Variants in SLC4A10 observed in about 807,000 individuals in gnomAD.
SLC4A10 encodes sodium-driven chloride bicarbonate exchanger.
Under a neutral mutation model 137.7 loss-of-function variants are expected in SLC4A10, and 42 were observed. The observed-to-expected ratio is 0.30, with a 90% CI of 0.24 to 0.39. The LOEUF (loss-of-function observed/expected upper bound fraction) is 0.39, where lower values mean the gene tolerates loss of function less well. Ranked by LOEUF, SLC4A10 falls within the 10% of genes least tolerant of loss-of-function variation. The pLI is 1.00. For missense variants in SLC4A10, 925 were observed against 1,355.0 expected, an observed-to-expected ratio of 0.68 and a Z score of 4.98; for synonymous variants, 474 against 464.1, an observed-to-expected ratio of 1.02 and a Z score of -0.27.
chr2:161,774,310 A>G (rs958859035), intron 2 of SLC4A10, among the ~76,000 whole-genome samples: 1 of 151,910 alleles, frequency 6.6e-6, no homozygotes. Flanking sequence ...CAGATAAAAC[A>G]TAAGATGCCC....
At chr2:161,704,664 A>G (rs2043465966) in intron 1 of SLC4A10, among the ~76,000 whole-genome samples, 3 of 151,694 alleles carry the variant, frequency 2.0e-5, no homozygotes, top group Admixed American at 6.6e-5. Context: ...GTTGTACCCC[A>G]CAAATATATT....
chr2:161,939,875 T>C (rs1253814050), intron 15 of SLC4A10, among the ~76,000 whole-genome samples: 1 of 152,164 alleles, frequency 6.6e-6, no homozygotes, highest in Non-Finnish European at 1.5e-5. Context: ...GTAAGTATTA[T>C]TTACTGTAGA....
chr2:161,769,109 A>T (rs558513643), intron 1 of SLC4A10, among the ~76,000 whole-genome samples: 1 of 152,098 alleles, frequency 6.6e-6, no homozygotes, highest in South Asian at 2.1e-4. Context: ...TTCATTTAGT[A>T]TAGCCCATTT....
chr2:161,942,985 G>T, intron 16 of SLC4A10, 88 bp downstream of exon 16: 1 of 930,892 alleles, frequency 1.1e-6, no homozygotes, highest in African/African-American at 1.7e-5. Flanking sequence ...AAATTTTTTT[G>T]AATGCATAAT....
chr2:161,738,280 T>G (rs1022217494), intron 1 of SLC4A10, among the ~76,000 whole-genome samples: 3 of 152,196 alleles, frequency 2.0e-5, no homozygotes, highest in African/African-American at 7.2e-5. Flanking sequence ...TGACACTGAC[T>G]GTTAAAAACT....
chr2:161,923,291 A>G (rs1325037424), intron 15 of SLC4A10, among the ~76,000 whole-genome samples: 2 of 152,330 alleles, frequency 1.3e-5, no homozygotes, highest in Admixed American at 6.5e-5. Context: ...CAGCACCACA[A>G]GTGAAAATTA....
intron 4 of SLC4A10, among the ~76,000 whole-genome samples, chr2:161,844,059 T>C (rs2059347469): frequency 6.6e-6 from 1 of 152,120 alleles, no homozygotes; most frequent in Admixed American, 6.6e-5. Flanking sequence ...CATGTAATGT[T>C]ATTAATAGAA....
intron 2 of SLC4A10, among the ~76,000 whole-genome samples, chr2:161,773,643 C>A (rs1214823126): frequency 2.0e-5 from 3 of 151,612 alleles, no homozygotes; most frequent in Non-Finnish European, 4.4e-5. Context: ...TGTAGAAATG[C>A]CAGATGTTTA....
chr2:161,715,383 C>A (rs1490203244), intron 1 of SLC4A10, among the ~76,000 whole-genome samples: 1 of 152,084 alleles, frequency 6.6e-6, no homozygotes, highest in African/African-American at 2.4e-5. Flanking sequence ...GTGCAGGATA[C>A]GCAGGTCTGT....
chr2:161,849,806 T>C (rs2059722247), intron 4 of SLC4A10, among the ~76,000 whole-genome samples: 1 of 152,148 alleles, frequency 6.6e-6, no homozygotes, highest in Non-Finnish European at 1.5e-5. Context: ...GGTTTGCTAG[T>C]ATTTTGTGGA....
chr2:161,764,724 C>G (rs1392384402), intron 1 of SLC4A10, among the ~76,000 whole-genome samples: 3 of 151,992 alleles, frequency 2.0e-5, no homozygotes, highest in African/African-American at 7.2e-5. Context: ...AACATTGTAA[C>G]AATGAAATGC....
At chr2:161,812,370 AT>A (rs911636703) in intron 3 of SLC4A10, among the ~76,000 whole-genome samples, 33 of 150,196 alleles carry the variant, frequency 2.2e-4, no homozygotes, top group East Asian at 9.8e-4. Flanking sequence ...TATATCTTTC[AT>A]TTTTTTTTAA....
rs372625450 is a variant in SLC4A10 at position 161,841,427 on chromosome 2, G to A, written c.416+1500G>A. Among the ~76,000 whole-genome samples the A allele has an allele frequency of 1.3e-3, 194 of 152,220 alleles. 2 individuals carry two copies. The highest frequency in any genetic ancestry group is 9.1e-3 in the South Asian group (44 of 4,824). On this transcript the variant is annotated intron_variant, in intron 4 of 26. Coordinates refer to ENST00000446997, the MANE Select transcript of SLC4A10 (RefSeq NM_001178015.2). ...AGGCTATCTCTTCCACTGTAGGACAGCATTATTATTAGAAAGACTTTATCT... is the reference window on the plus strand; with the variant it reads ...AGGCTATCTCTTCCACTGTAGGACAACATTATTATTAGAAAGACTTTATCT...
At chr2:161,638,785 A>G (rs962600428) in intron 1 of SLC4A10, among the ~76,000 whole-genome samples, 1 of 151,898 alleles carries the variant, frequency 6.6e-6, no homozygotes, top group Non-Finnish European at 1.5e-5. Flanking sequence ...TGTCTTCTTC[A>G]ATTTCTTTCC....
At chr2:161,913,357 C>T in intron 15 of SLC4A10, among the ~76,000 whole-genome samples, 1 of 151,972 alleles carries the variant, frequency 6.6e-6, no homozygotes, top group South Asian at 2.1e-4. Context: ...AAAAGTTCTT[C>T]CAAAAATTTA....
intron 3 of SLC4A10, among the ~76,000 whole-genome samples, chr2:161,826,500 A>G (rs1248052647): frequency 2.0e-5 from 3 of 152,220 alleles, no homozygotes; most frequent in African/African-American, 7.2e-5. Flanking sequence ...TATTGTCCAG[A>G]AAGTGTCTAA....
chr2:161,630,865 C>G (rs1374877521), intron 1 of SLC4A10, among the ~76,000 whole-genome samples: 1 of 151,644 alleles, frequency 6.6e-6, no homozygotes, highest in Non-Finnish European at 1.5e-5. Flanking sequence ...GTTCACATAG[C>G]TAAGAAGTGC....
chr2:161,917,920 TA>T (rs1260487789), intron 15 of SLC4A10, among the ~76,000 whole-genome samples: 2 of 152,176 alleles, frequency 1.3e-5, no homozygotes, highest in African/African-American at 4.8e-5. Context: ...TACTCAGAGC[TA>T]AAAATCGAAC....
Position 161,919,024 on chromosome 2 carries a change from G to A in SLC4A10, c.1997+13137G>A, listed in dbSNP as rs7601354. On this transcript the variant is annotated intron_variant, in intron 15 of 26. Transcript: ENST00000446997. ...AGGTTTGGAAGCACTTGCTCCTGCTGTCTGGCCTCTCCTCCCTCTGGGTGC... is the reference window on the plus strand; with the variant it reads ...AGGTTTGGAAGCACTTGCTCCTGCTATCTGGCCTCTCCTCCCTCTGGGTGC... Among the ~76,000 whole-genome samples the A allele has an allele frequency of 2.1e-4, 32 of 152,194 alleles. No individual in the cohort carries two copies. In the East Asian group the frequency reaches 6.2e-3, roughly 29 times the overall value.
Sources: allele counts gnomAD v4.1 joint callset (sites outside exome capture counted in the v4.1 genomes callset), GRCh38; gene constraint gnomAD v4.1.1; transcripts MANE v1.5; gene names NCBI Gene and HGNC (gene_info 2026-07-23, HGNC 2026-07-21).